MYO3A: variants seen among roughly 807,000 people sequenced by gnomAD.
MYO3A encodes myosin IIIA.
A neutral mutation model predicts 192.7 loss-of-function variants in MYO3A; 180 were observed. That is an observed-to-expected ratio of 0.93 (90% CI 0.83 to 1.06). The LOEUF is 1.06. Ranked by LOEUF, MYO3A falls within the 50% of genes least tolerant of loss-of-function variation. The probability of loss-of-function intolerance (pLI) is 0.00; values close to 1 mark genes in which losing one functional copy is unlikely to be tolerated. For synonymous variants in MYO3A, 628 were observed against 645.3 expected (o/e 0.97, Z 0.41); for missense variants, 1,896 against 1,905.0 (o/e 1.00, Z 0.09).
intron 6 of MYO3A, among the ~76,000 whole-genome samples, chr10:26,008,873 A>C (rs1362769002): frequency 1.3e-5 from 2 of 152,012 alleles, no homozygotes; most frequent in East Asian, 3.9e-4. Flanking sequence ...CCATCCCATT[A>C]CTGGGTATAT....
chr10:25,972,899 T>C (rs984447857), intron 4 of MYO3A, among the ~76,000 whole-genome samples: 1 of 152,176 alleles, frequency 6.6e-6, no homozygotes, highest in African/African-American at 2.4e-5. Flanking sequence ...TCTGATTCAA[T>C]TAAGTTGCAG....
At chr10:25,979,313 G>A (rs1407563121) in intron 4 of MYO3A, among the ~76,000 whole-genome samples, 1 of 151,398 alleles carries the variant, frequency 6.6e-6, no homozygotes, top group Admixed American at 6.6e-5. Flanking sequence ...TAAAAATCTA[G>A]TAAGCTTAAG....
At chr10:26,081,231 T>A (rs1471577372) in intron 14 of MYO3A, among the ~76,000 whole-genome samples, 1 of 139,326 alleles carries the variant, frequency 7.2e-6, no homozygotes, top group Non-Finnish European at 1.5e-5. Context: ...CTTGGGCGGG[T>A]CTTGCTGTGG....
chr10:26,181,175 G>A (rs957306531), intron 31 of MYO3A, among the ~76,000 whole-genome samples: 1 of 152,152 alleles, frequency 6.6e-6, no homozygotes, highest in Non-Finnish European at 1.5e-5. Context: ...TCTGATTTGG[G>A]ATGAGGAAAT....
chr10:26,155,471 A>G (rs1337017877), intron 25 of MYO3A, among the ~76,000 whole-genome samples: 1 of 152,222 alleles, frequency 6.6e-6, no homozygotes, highest in East Asian at 1.9e-4. Flanking sequence ...ATAAAAACCT[A>G]TTAACCATCC....
chr10:26,024,218 G>A, intron 9 of MYO3A, 131 bp downstream of exon 9: 1 of 874,642 alleles, frequency 1.1e-6, no homozygotes, highest in Admixed American at 2.2e-5. Flanking sequence ...AGCATCTATA[G>A]TGTCTTTTAA....
At chr10:26,164,630 G>A (rs1361378537) in intron 26 of MYO3A, among the ~76,000 whole-genome samples, 1 of 152,100 alleles carries the variant, frequency 6.6e-6, no homozygotes, top group Non-Finnish European at 1.5e-5. Context: ...TGGGAGCCTG[G>A]CTGAGTCAGG....
rs1840405738 is a variant in MYO3A at position 26,145,449 on chromosome 10, A to T, written c.2420A>T (p.Lys807Ile). The change falls in exon 22 of 35, where the codon AAA (lysine) becomes ATA (isoleucine). Residue 807 changes from lysine to isoleucine, a missense_variant. By Grantham distance (102) the Lys-to-Ile change is moderately radical. Transcript: ENST00000642920. ...TGAGTTCAGTATTTTTCTACAGAAAAATTTGAAGGTAACCTGAAATCACAA... is the reference window on the plus strand; with the variant it reads ...TGAGTTCAGTATTTTTCTACAGAAATATTTGAAGGTAACCTGAAATCACAA... ...PKATDQTLVE[K>I]FEGNLKSQYF... 1.3e-6 allele frequency: 2 copies of T among 1,594,934 alleles called. No homozygotes were observed. The highest frequency in any genetic ancestry group is 1.7e-6 in the Non-Finnish European group (2 of 1,162,778).
At chr10:26,076,555 T>C (rs1323271087) in intron 14 of MYO3A, among the ~76,000 whole-genome samples, 2 of 152,172 alleles carry the variant, frequency 1.3e-5, no homozygotes, top group South Asian at 4.1e-4. Context: ...TTTTGGGTTC[T>C]TGGTCATGAA....
intron 23 of MYO3A, among the ~76,000 whole-genome samples, chr10:26,148,177 T>A (rs1840586781): frequency 6.6e-6 from 1 of 152,222 alleles, no homozygotes; most frequent in Non-Finnish European, 1.5e-5. Context: ...GTGAACATAC[T>A]CATCACTCAC....
rs867819823 is a variant in MYO3A at position 26,008,336 on chromosome 10, A to G, written c.509-8484A>G. ...ACATAGGCATGGGCAAGGACTTCATATCTAAAACACCAAAAGCAATGGCAA... is the reference window on the plus strand; with the variant it reads ...ACATAGGCATGGGCAAGGACTTCATGTCTAAAACACCAAAAGCAATGGCAA... On this transcript the variant is annotated intron_variant, in intron 6 of 34. Transcript: ENST00000642920. Among the ~76,000 whole-genome samples, 51 of 148,412 alleles carry G rather than the reference A, an allele frequency of 3.4e-4. 1 individual carries two copies. Among genetic ancestry groups the G allele is most frequent in the Non-Finnish European group, 4.7e-4 (32 of 67,582 alleles).
intron 4 of MYO3A, among the ~76,000 whole-genome samples, chr10:25,962,759 T>G (rs1314702428): frequency 6.6e-5 from 10 of 152,174 alleles, no homozygotes; most frequent in Middle Eastern, 3.2e-3. Flanking sequence ...CTTCAAATGC[T>G]TCCTACCTGA....
chr10:25,952,496 T>G lies in MYO3A; in HGVS notation c.168+218T>G, dbSNP rs146613658. Reference sequence around the variant, plus strand: ...AATAAGTACTTGATGAATAAATGCATAAGCACGCAAAAATGCAGCTCTCAA... The same window carrying G: ...AATAAGTACTTGATGAATAAATGCAGAAGCACGCAAAAATGCAGCTCTCAA... On this transcript the variant is annotated intron_variant, in intron 3 of 34. Transcript: ENST00000642920. 4.2e-3 allele frequency among the ~76,000 whole-genome samples: 639 copies of G among 152,282 alleles called. 6 individuals are homozygous for G. Among genetic ancestry groups the G allele is most frequent in the Admixed American group, 0.016 (250 of 15,280 alleles).
chr10:26,208,880 CCTT>C (rs1285040403), intron 34 of MYO3A, among the ~76,000 whole-genome samples: 2 of 152,228 alleles, frequency 1.3e-5, no homozygotes, highest in African/African-American at 4.8e-5. Context: ...TGCCCTCTCT[CCTT>C]CAATTATATT....
rs543622877 is a variant in MYO3A, at chr10:26,194,434, C to T, written c.4545+1123C>T. 9.2e-5 allele frequency among the ~76,000 whole-genome samples: 14 copies of T among 152,212 alleles called. No individual in the cohort carries two copies. The East Asian group carries it at 2.1e-3, about 23-fold the overall frequency. On this transcript the variant is annotated intron_variant, in intron 32 of 34. Coordinates refer to ENST00000642920, the MANE Select transcript of MYO3A (RefSeq NM_017433.5). ...GGTGAGCTGCATTCCCTCATGCTCC[C>T]GAGGCCTTTGCACCCTCTGGCTGGT...
rs1050067937 is a variant in MYO3A at position 26,174,409 on chromosome 10, C to T, written c.4145C>T (p.Thr1382Ile). The change falls in exon 30 of 35, where the codon ACA (threonine) becomes ATA (isoleucine). Residue 1382 changes from threonine (T) to isoleucine (I), a missense_variant. Thr to Ile is a moderately conservative substitution (Grantham distance 89). Coordinates refer to ENST00000642920, the MANE Select transcript of MYO3A (RefSeq NM_017433.5). ...SSFKHQRIVT[T>I]PTEVARNTHN... ...TTTAAGCATCAGAGGATTGTCACAA[C>T]ACCAACAGAAGTAGCAAGAAACACT... The T allele has an allele frequency of 1.2e-5, 19 of 1,614,074 alleles. No individual in the cohort carries two copies. Among genetic ancestry groups the T allele is most frequent in the Non-Finnish European group, 1.6e-5 (19 of 1,180,042 alleles).
At chr10:25,948,725 A>C (rs2130511068) in intron 2 of MYO3A, among the ~76,000 whole-genome samples, 1 of 152,264 alleles carries the variant, frequency 6.6e-6, no homozygotes, top group South Asian at 2.1e-4. Flanking sequence ...GTAGTTTAGC[A>C]GTCAAGAGAC....
At chr10:26,065,971 C>T (rs1588890060) in intron 10 of MYO3A, among the ~76,000 whole-genome samples, 2 of 94,380 alleles carry the variant, frequency 2.1e-5, no homozygotes, top group Admixed American at 2.0e-4. Flanking sequence ...CAAAAATTAG[C>T]CGGGCATGGT....
In MYO3A at chr10:26,032,641, C is replaced by A. The variant is rs561952118; in HGVS notation, c.953+6109C>A. ...AAAAAACAAAAAAACAAAAAAAAAA[C>A]CAACAAAAAAAACACACAGCCCAAG... On this transcript the variant is annotated intron_variant, in intron 10 of 34. Transcript: ENST00000642920. Among the ~76,000 whole-genome samples, 163 of 151,152 alleles carry A rather than the reference C, an allele frequency of 1.1e-3. 2 individuals carry two copies. Among genetic ancestry groups the A allele is most frequent in the African/African-American group, 3.4e-3 (139 of 41,272 alleles).
Sources: allele counts gnomAD v4.1 joint callset (sites outside exome capture counted in the v4.1 genomes callset), GRCh38; gene constraint gnomAD v4.1.1; transcripts MANE v1.5; gene names NCBI Gene and HGNC (gene_info 2026-07-23, HGNC 2026-07-21).